PPP6R2: variants seen among roughly 807,000 people sequenced by gnomAD.
The protein encoded by PPP6R2 is serine/threonine-protein phosphatase 6 regulatory subunit 2.
A neutral mutation model predicts 100.2 loss-of-function variants in PPP6R2; 62 were observed. That is an observed-to-expected ratio of 0.62 (90% confidence interval 0.50 to 0.76). The LOEUF (loss-of-function observed/expected upper bound fraction) is 0.76. Ranked by LOEUF, PPP6R2 falls within the 30% of genes least tolerant of loss-of-function variation. The pLI, the probability that PPP6R2 is intolerant of heterozygous loss-of-function variation, is 0.00. For synonymous variants in PPP6R2, 525 were observed against 514.7 expected (o/e 1.02, Z -0.27); for missense variants, 1,142 against 1,276.3 (o/e 0.89, Z 1.60).
chr22:50,436,881 G>C, intron 14 of PPP6R2, 107 bp from the exon 15 acceptor site: 1 of 861,688 alleles, frequency 1.2e-6, no homozygotes, highest in South Asian at 1.5e-5. Context: ...GATGTGCTGG[G>C]TGGGGTCTGG....
At chr22:50,350,295 A>G (rs566334015) in intron 1 of PPP6R2, among the ~76,000 whole-genome samples, 24 of 150,902 alleles carry the variant, frequency 1.6e-4, no homozygotes, top group African/African-American at 5.6e-4. Flanking sequence ...CAGTGGTGCA[A>G]TCTTGGCTCA....
intron 1 of PPP6R2, among the ~76,000 whole-genome samples, chr22:50,361,772 A>C (rs1220016193): frequency 6.6e-6 from 1 of 152,068 alleles, no homozygotes; most frequent in Non-Finnish European, 1.5e-5. Flanking sequence ...CAACAAATAT[A>C]GCATAGGTGC....
At chr22:50,348,972 A>T (rs2044369576) in intron 1 of PPP6R2, among the ~76,000 whole-genome samples, 1 of 151,878 alleles carries the variant, frequency 6.6e-6, no homozygotes, top group African/African-American at 2.4e-5. Flanking sequence ...CGGGCGGATC[A>T]CCTGAGGTCA....
At chr22:50,393,543 TGG>T (rs2056096623) in intron 2 of PPP6R2, 1 of 933,844 alleles carries the variant, frequency 1.1e-6, no homozygotes, top group Non-Finnish European at 1.2e-6. Context: ...GGGGACAGTG[TGG>T]GGAAGGAGGG....
chr22:50,443,225 A>G (rs1363324268), intron 22 of PPP6R2: 1 of 152,644 alleles, frequency 6.6e-6, no homozygotes, highest in Non-Finnish European at 1.5e-5. Context: ...AGCAGGGAAT[A>G]TCATTGTGCA....
chr22:50,338,160 T>C, the PPP6R2 span, among the ~76,000 whole-genome samples: 1 of 136,466 alleles, frequency 7.3e-6, no homozygotes, highest in Non-Finnish European at 1.6e-5. Context: ...GGTATGTGTG[T>C]GCGATGTGTG....
chr22:50,339,668 G>A (rs944841048), upstream of PPP6R2, among the ~76,000 whole-genome samples: 3 of 129,210 alleles, frequency 2.3e-5, no homozygotes, highest in Non-Finnish European at 3.3e-5. Context: ...TGTATGTTTC[G>A]AGTGTGTGTT....
At position 50,436,984 on chromosome 22, in the gene PPP6R2, T is replaced by G. The variant is rs1445016665; in HGVS notation, c.1603-4T>G. On this transcript the variant is annotated splice_region_variant and splice_polypyrimidine_tract_variant and intron_variant, in intron 14 of 23. Transcript: ENST00000612753. ...ACGCCCACCCCATCTGGCCTGTGTT[T>G]TAGGTGAGCACTCACCACCTTCACT... The G allele has an allele frequency of 1.3e-6, 2 of 1,554,466 alleles. No individual in the cohort carries two copies. Among genetic ancestry groups the G allele is most frequent in the Admixed American group, 1.9e-5 (1 of 51,522 alleles).
chr22:50,418,979 C>G lies in PPP6R2; in HGVS notation c.731C>G (p.Ser244Trp), dbSNP rs140651411. Residue 244 changes from serine (S) to tryptophan (W), a missense_variant and splice_region_variant, in exon 7 of 24, where the codon TCG (serine) becomes TGG (tryptophan). By Grantham distance (177) the Ser-to-Trp change is radical (BLOSUM62 -3). Transcript: ENST00000612753. ...GACCCGCTCCTCACAGCGCTGGAGT[C>G]GTGAGTGCTGGTGGGCCGTGGTGCT... ...EPDPLLTALE[S>W]QDCVEQLLKN... 6.2e-7 allele frequency: 1 copy of G among 1,610,610 alleles called. No homozygotes were observed. The highest frequency in any genetic ancestry group is 8.5e-7 in the Non-Finnish European group (1 of 1,176,988).
intron 1 of PPP6R2, among the ~76,000 whole-genome samples, chr22:50,355,983 G>A (rs1475152461): frequency 1.5e-5 from 2 of 135,992 alleles, no homozygotes; most frequent in African/African-American, 5.8e-5. Flanking sequence ...TTTTTTTTGA[G>A]ACGGAGTCTC....
At chr22:50,373,444 C>T (rs2050746591) in intron 2 of PPP6R2, among the ~76,000 whole-genome samples, 5 of 151,798 alleles carry the variant, frequency 3.3e-5, no homozygotes, top group African/African-American at 1.2e-4. Flanking sequence ...GGCATTTCAC[C>T]ATGTTAGCCA....
intron 9 of PPP6R2, among the ~76,000 whole-genome samples, chr22:50,422,703 G>C (rs1358062037): frequency 6.6e-6 from 1 of 152,184 alleles, no homozygotes; most frequent in Non-Finnish European, 1.5e-5. Context: ...TGGCAGGGGA[G>C]GCCCTTTGCC....
rs1244107494 is a variant in PPP6R2, at chr22:50,343,377, C to T, written c.-321C>T. 2 of 151,068 alleles carry T rather than the reference C, an allele frequency of 1.3e-5. No individual in the cohort carries two copies. The highest frequency in any genetic ancestry group is 3.0e-5 in the Non-Finnish European group (2 of 67,578). The allele number at this position is 151,068 out of a possible 1,614,324, so 9.4% of individuals were successfully genotyped here. A position where few individuals can be genotyped will look rare whatever the true frequency, so the allele number is the denominator to read the frequency against. On this transcript the variant is annotated 5_prime_UTR_variant, in exon 1 of 24. Transcript: ENST00000612753. Reference sequence around the variant, plus strand: ...GCCGCCCGCGGCCCCGAGTCGGTCTCGAGCCGCCGGCCGGCCGTGCCGGTG... The same window carrying T: ...GCCGCCCGCGGCCCCGAGTCGGTCTTGAGCCGCCGGCCGGCCGTGCCGGTG...
At chr22:50,372,488 G>A (rs1345141786) in intron 2 of PPP6R2, among the ~76,000 whole-genome samples, 1 of 151,986 alleles carries the variant, frequency 6.6e-6, no homozygotes, top group Non-Finnish European at 1.5e-5. Flanking sequence ...GATGGAGGTT[G>A]CAGTGAGCCG....
At chr22:50,413,928 T>C (rs9616994) in intron 4 of PPP6R2, among the ~76,000 whole-genome samples, 57,599 of 151,864 alleles carry the variant, frequency 0.38, 11,310 homozygotes, top group East Asian at 0.67. Context: ...ACTGTTACCT[T>C]GGATCCGCCG....
intron 1 of PPP6R2, among the ~76,000 whole-genome samples, chr22:50,348,561 G>A (rs766376968): frequency 7.2e-5 from 11 of 152,146 alleles, no homozygotes; most frequent in Admixed American, 7.2e-4. Context: ...AGCTGAATTA[G>A]GGTGGTGTCA....
intron 1 of PPP6R2, among the ~76,000 whole-genome samples, chr22:50,360,319 G>T (rs1272585137): frequency 6.7e-6 from 1 of 150,338 alleles, no homozygotes; most frequent in Non-Finnish European, 1.5e-5. Context: ...CCAAAGTGCT[G>T]GGATTATAGG....
At chr22:50,342,771 A>G (rs1216513227), upstream of PPP6R2, among the ~76,000 whole-genome samples, 2 of 152,246 alleles carry the variant, frequency 1.3e-5, no homozygotes, top group Non-Finnish European at 2.9e-5. Flanking sequence ...ACGCCGTGCA[A>G]GAACCCGTAG....
At chr22:50,387,656 C>T (rs9628217) in intron 2 of PPP6R2, among the ~76,000 whole-genome samples, 1 of 152,144 alleles carries the variant, frequency 6.6e-6, no homozygotes, top group Non-Finnish European at 1.5e-5. Flanking sequence ...GTAACACTTG[C>T]TGATTTCCAT....
Sources: gnomAD v4.1 joint callset for allele counts (sites outside exome capture counted in the v4.1 genomes callset) on GRCh38, gnomAD v4.1.1 for gene constraint, MANE v1.5 for transcripts, NCBI Gene and HGNC (gene_info 2026-07-23, HGNC 2026-07-21) for gene names.